Variants in BLVRA observed in about 807,000 individuals in gnomAD.
BLVRA encodes biliverdin reductase A.
Under a neutral mutation model 32.8 loss-of-function variants are expected in BLVRA, and 22 were observed. That is an observed-to-expected ratio of 0.67 (90% CI 0.48 to 0.96). The LOEUF is 0.96. Ranked by LOEUF, BLVRA falls within the 40% of genes least tolerant of loss-of-function variation. The probability of loss-of-function intolerance (pLI) is 0.00; values close to 1 mark genes in which losing one functional copy is unlikely to be tolerated. For synonymous variants in BLVRA, 119 were observed against 141.3 expected (o/e 0.84, Z 1.12); for missense variants, 323 against 358.1 (o/e 0.90, Z 0.79).
intron 1 of BLVRA, among the ~76,000 whole-genome samples, chr7:43,761,110 A>G (rs1228080986): frequency 2.6e-5 from 4 of 152,194 alleles, no homozygotes; most frequent in Non-Finnish European, 5.9e-5. Context: ...GCTACATTAC[A>G]TGAGCTGCTA....
intron 2 of BLVRA, among the ~76,000 whole-genome samples, chr7:43,783,143 A>G (rs2095772170): frequency 6.6e-6 from 1 of 152,180 alleles, no homozygotes; most frequent in Non-Finnish European, 1.5e-5. Context: ...TTTATATTTT[A>G]GATAGTGAAT....
At chr7:43,790,460 C>A (rs550819806) in intron 3 of BLVRA, among the ~76,000 whole-genome samples, 1 of 152,162 alleles carries the variant, frequency 6.6e-6, no homozygotes, top group Admixed American at 6.5e-5. Context: ...CACACAGACA[C>A]ACACACACAC....
intron 2 of BLVRA, among the ~76,000 whole-genome samples, chr7:43,772,104 CT>C (rs2132552367): frequency 6.6e-6 from 1 of 152,348 alleles, no homozygotes; most frequent in South Asian, 2.1e-4. Flanking sequence ...CTTAATGTGG[CT>C]TTTTCCTGGA....
chr7:43,776,045 G>A (rs184081032), intron 2 of BLVRA, among the ~76,000 whole-genome samples: 40 of 152,122 alleles, frequency 2.6e-4, no homozygotes, highest in Non-Finnish European at 5.0e-4. Context: ...TTATTTATTA[G>A]TCTTGCTAGC....
chr7:43,777,616 A>G (rs1412715146), intron 2 of BLVRA, among the ~76,000 whole-genome samples: 2 of 151,890 alleles, frequency 1.3e-5, no homozygotes, highest in Non-Finnish European at 2.9e-5. Flanking sequence ...TGACAATTAT[A>G]TGTCTTGGAG....
intron 7 of BLVRA, among the ~76,000 whole-genome samples, chr7:43,806,505 G>A (rs2095804166): frequency 6.6e-6 from 1 of 152,324 alleles, no homozygotes; most frequent in Middle Eastern, 3.4e-3. Context: ...AGTTTGGGAG[G>A]CCAAGGCAGG....
At chr7:43,803,294 A>G (rs1432704173) in intron 6 of BLVRA, among the ~76,000 whole-genome samples, 1 of 132,502 alleles carries the variant, frequency 7.5e-6, no homozygotes, top group African/African-American at 2.9e-5. Flanking sequence ...ATATATATGT[A>G]TATGTAGGTA....
chr7:43,792,789 T>G lies in BLVRA; in HGVS notation c.329T>G (p.Leu110Arg). The change falls in exon 5 of 8, where the codon CTG (leucine) becomes CGG (arginine). Residue 110 changes from leucine to arginine, a missense_variant. Physicochemically the swap from Leu to Arg is moderately radical, Grantham distance 102. Coordinates refer to ENST00000265523, the MANE Select transcript of BLVRA (RefSeq NM_000712.4). ...CTGTCATTGGCGGCCGCTCAGGAAC[T>G]GTGGGAGCTGGCTGAGCAGAAAGGT... ...MTLSLAAAQE[L>R]WELAEQKGKV... 6.2e-7 allele frequency: 1 copy of G among 1,614,200 alleles called. No homozygotes were observed. Among genetic ancestry groups the G allele is most frequent in the South Asian group, 1.1e-5 (1 of 91,080 alleles).
intron 2 of BLVRA, among the ~76,000 whole-genome samples, chr7:43,783,905 A>G (rs548882972): frequency 2.6e-5 from 4 of 152,192 alleles, no homozygotes; most frequent in Middle Eastern, 6.8e-3. Flanking sequence ...CTCATGCCTC[A>G]CCTTGAAGTT....
In BLVRA at chr7:43,795,969, TG is replaced by T. The variant is rs1010815721; in HGVS notation, c.352+3159del. Among the ~76,000 whole-genome samples the T allele has an allele frequency of 3.5e-4, 53 of 151,514 alleles. 1 individual carries two copies. Among genetic ancestry groups the T allele is most frequent in the Admixed American group, 3.0e-3 (45 of 15,200 alleles). On this transcript the variant is annotated intron_variant, in intron 5 of 7. Coordinates refer to ENST00000265523, the MANE Select transcript of BLVRA (RefSeq NM_000712.4). ...AAATACAAAAATTAGCCAGGCATGG[TG>T]GCACATGCCTATAGTCCCAGCTACT... is the stretch of plus-strand genomic sequence containing the variant.
At chr7:43,774,766 C>T (rs1488478179) in intron 2 of BLVRA, among the ~76,000 whole-genome samples, 1 of 152,182 alleles carries the variant, frequency 6.6e-6, no homozygotes, top group Non-Finnish European at 1.5e-5. Flanking sequence ...TCTTCCAACC[C>T]ATGAGCATGG....
At chr7:43,770,266 C>T (rs952350850) in intron 1 of BLVRA, among the ~76,000 whole-genome samples, 10 of 152,232 alleles carry the variant, frequency 6.6e-5, no homozygotes, top group African/African-American at 2.4e-4. Context: ...ACCTTTCCTG[C>T]CCAGTTTTAG....
At chr7:43,791,497 C>A in intron 4 of BLVRA, 129 bp downstream of exon 4, 4 of 982,778 alleles carry the variant, frequency 4.1e-6, no homozygotes, top group Non-Finnish European at 6.3e-6. Flanking sequence ...GCTCTGTGAC[C>A]AATCACAGAA....
chr7:43,804,251 G>A (rs1480987236), intron 7 of BLVRA, among the ~76,000 whole-genome samples: 2 of 152,224 alleles, frequency 1.3e-5, no homozygotes, highest in Non-Finnish European at 2.9e-5. Context: ...AGACCAGCCT[G>A]GCTAACATGG....
chr7:43,806,955 C>A (rs776455145), intron 7 of BLVRA, 22 bp from the exon 8 acceptor site: 2 of 1,612,944 alleles, frequency 1.2e-6, no homozygotes, highest in East Asian at 2.2e-5. Flanking sequence ...TAACATGATT[C>A]TTTTGTCTTT....
In BLVRA at chr7:43,787,884, C is replaced by T. The variant is rs2095779781; in HGVS notation, c.13-20C>T. 5 of 1,614,132 alleles carry T rather than the reference C, an allele frequency of 3.1e-6. No homozygotes were observed. The highest frequency in any genetic ancestry group is 3.3e-4 in the Middle Eastern group (2 of 6,062). ...TGCCTACAGTGTTTTCAGACTCCAC[C>T]TTGGTCCCTTGTGTTTCAGCCCGAG... On this transcript the variant is annotated intron_variant, in intron 2 of 7. Transcript: ENST00000265523. The surrounding 1 kb of genome is among the most constrained non-coding windows in gnomAD (Gnocchi z 4.5).
At position 43,789,757 on chromosome 7, in the gene BLVRA, G is replaced by A. The variant is rs2095783148; in HGVS notation, c.135-1492G>A. The stretch of plus-strand genomic sequence containing the variant: ...ATACCCTTCCCTTCCTGACCTACCT[G>A]CTAAGTTCTACCTCCTCCCCAGGAA... On this transcript the variant is annotated intron_variant, in intron 3 of 7. Transcript: ENST00000265523. Among the ~76,000 whole-genome samples, 3 of 151,946 alleles carry A rather than the reference G, an allele frequency of 2.0e-5. No homozygotes were observed. In the South Asian group the frequency reaches 6.2e-4, roughly 32 times the overall value.
In BLVRA at chr7:43,771,166, C is replaced by A. The variant is rs1423361738; in HGVS notation, c.8C>A (p.Ala3Glu). Reference sequence around the variant, plus strand: ...CCGAAGGAAGAGACCAAGATGAATGCAGAGGTGAGTTCTTTACAAAGACCA... The same window carrying A: ...CCGAAGGAAGAGACCAAGATGAATGAAGAGGTGAGTTCTTTACAAAGACCA... The part of the protein sequence containing the change: MN[A>E]EPERKFGVVV... The change falls in exon 2 of 8, where the codon GCA becomes GAA. Residue 3 changes from alanine to glutamate, a missense_variant. Ala to Glu is a moderately radical substitution (Grantham distance 107, BLOSUM62 -1). Coordinates refer to ENST00000265523, the MANE Select transcript of BLVRA (RefSeq NM_000712.4). The A allele has an allele frequency of 6.2e-7, 1 of 1,613,924 alleles. No homozygotes were observed.
intron 3 of BLVRA, 94 bp from the exon 4 acceptor site, chr7:43,791,155 C>T: frequency 6.3e-7 from 1 of 1,580,032 alleles, no homozygotes; most frequent in South Asian, 1.1e-5. Flanking sequence ...TTTCTGGCAG[C>T]AGATCACCAG....
Sources: allele counts gnomAD v4.1 joint callset (sites outside exome capture counted in the v4.1 genomes callset), GRCh38; gene constraint gnomAD v4.1.1; non-coding constraint Gnocchi (gnomAD v3.1); transcripts MANE v1.5; gene names NCBI Gene and HGNC (gene_info 2026-07-23, HGNC 2026-07-21).